The following NLRP1 variants were observed in gnomAD, a reference collection of about 807,000 sequenced individuals.
NLRP1 encodes the protein NLR family pyrin domain containing 1.
Under a neutral mutation model 136.7 loss-of-function variants are expected in NLRP1, and 94 were observed. The ratio of observed to expected loss-of-function variants is 0.69; its 90% CI spans 0.58 to 0.82. NLRP1 has a LOEUF of 0.82. Ranked by LOEUF, NLRP1 falls within the 40% of genes least tolerant of loss-of-function variation. NLRP1 has a pLI of 0.00. For missense variants in NLRP1, 1,575 were observed against 1,802.7 expected (o/e 0.87, Z 2.29); for synonymous variants, 690 against 725.1 (o/e 0.95, Z 0.78).
chr17:5,570,431 T>C (rs918502677), intron 3 of NLRP1, among the ~76,000 whole-genome samples: 2 of 149,890 alleles, frequency 1.3e-5, no homozygotes, highest in African/African-American at 4.9e-5. Context: ...AAAGAGGACA[T>C]TACCATTGAC....
intron 5 of NLRP1, among the ~76,000 whole-genome samples, chr17:5,547,794 G>A (rs2151786379): frequency 6.6e-6 from 1 of 152,126 alleles, no homozygotes. Context: ...CACGAGGCTG[G>A]GCTTGCCTCC....
intron 11 of NLRP1, among the ~76,000 whole-genome samples, chr17:5,531,177 T>TA (rs775502198): frequency 5.3e-5 from 3 of 56,920 alleles, no homozygotes; most frequent in Admixed American, 1.5e-4. Flanking sequence ...CTATCTAATC[T>TA]ATCTATCTAT....
rs751181903 is a variant in NLRP1 at position 5,553,558 on chromosome 17, T to G, written c.2358-2A>C. ...TCTGTGACTGGGACCCACCTGAACC[T>G]GAGGGGGAGAGAGAAGGACAGGAGA... On this transcript the variant is annotated splice_acceptor_variant, in intron 4 of 16. Transcript: ENST00000572272. LOFTEE classifies it high-confidence loss of function. 6.2e-7 allele frequency: 1 copy of G among 1,613,168 alleles called. No homozygotes were observed. The highest frequency in any genetic ancestry group is 8.5e-7 in the Non-Finnish European group (1 of 1,179,338).
At chr17:5,539,770 C>T (rs1911620945) in intron 6 of NLRP1, 185 bp from the exon 7 acceptor site, 8 of 675,558 alleles carry the variant, frequency 1.2e-5, no homozygotes, top group South Asian at 6.5e-5. Context: ...CTTGCAGCCA[C>T]GGAACCCCTC....
Position 5,515,013 on chromosome 17 carries a change from T to C in NLRP1, c.4163A>G (p.Gln1388Arg). Residue 1388 changes from glutamine (Q) to arginine (R), a missense_variant, in exon 17 of 17, where the codon CAG (glutamine) becomes CGG (arginine). By Grantham distance (43) the Gln-to-Arg change is conservative. Transcript: ENST00000572272. ...LLHFVDQYRE[Q>R]LIARVTSVEV... ...CACCGATGTCACTCGGGCTATCAGC[T>C]GCTCTCGATACTGGTCCACAAAGTG... The C allele has an allele frequency of 6.2e-7, 1 of 1,614,216 alleles. No individual in the cohort carries two copies. Among genetic ancestry groups the C allele is most frequent in the Non-Finnish European group, 8.5e-7 (1 of 1,180,040 alleles).
chr17:5,530,999 G>A (rs1910165984), intron 11 of NLRP1, among the ~76,000 whole-genome samples: 1 of 152,150 alleles, frequency 6.6e-6, no homozygotes, highest in Non-Finnish European at 1.5e-5. Context: ...CTTAGTACAC[G>A]CCTGGGAGCT....
intron 5 of NLRP1, among the ~76,000 whole-genome samples, chr17:5,551,511 A>G (rs1442502938): frequency 6.6e-6 from 1 of 152,232 alleles, no homozygotes; most frequent in Non-Finnish European, 1.5e-5. Flanking sequence ...TTTTGTGTGG[A>G]CAGAGGTATT....
chr17:5,515,341 G>A (rs1376688968), intron 16 of NLRP1, 132 bp downstream of exon 16: 15 of 831,224 alleles, frequency 1.8e-5, no homozygotes, highest in Non-Finnish European at 2.6e-5. Flanking sequence ...ACCATGCACC[G>A]CTCTCCAGGG....
At chr17:5,570,903 C>T (rs1293042057) in intron 3 of NLRP1, among the ~76,000 whole-genome samples, 6 of 152,196 alleles carry the variant, frequency 3.9e-5, no homozygotes, top group Admixed American at 6.5e-5. Context: ...CGTCAAAAAG[C>T]GAATTCACCA....
At chr17:5,546,069 G>A (rs556884386) in intron 5 of NLRP1, among the ~76,000 whole-genome samples, 6 of 152,304 alleles carry the variant, frequency 3.9e-5, no homozygotes, top group African/African-American at 1.4e-4. Flanking sequence ...ATCTGACCTT[G>A]GGCAGCAGTG....
At chr17:5,520,306 CTCT>C (rs1487487763) in intron 14 of NLRP1, among the ~76,000 whole-genome samples, 4 of 152,132 alleles carry the variant, frequency 2.6e-5, no homozygotes, top group Non-Finnish European at 5.9e-5. Context: ...CTATACTGAC[CTCT>C]TTTTTGTCAT....
At chr17:5,552,682 C>G (rs1426089926) in intron 5 of NLRP1, among the ~76,000 whole-genome samples, 1 of 152,138 alleles carries the variant, frequency 6.6e-6, no homozygotes, top group African/African-American at 2.4e-5. Context: ...ACTTTTATAG[C>G]TCTCTTACAT....
At chr17:5,527,003 G>A (rs577166960) in intron 12 of NLRP1, among the ~76,000 whole-genome samples, 1 of 152,310 alleles carries the variant, frequency 6.6e-6, no homozygotes, top group East Asian at 1.9e-4. Flanking sequence ...TGAGGTCATC[G>A]TTTCCAGGGC....
chr17:5,559,878 T>A lies in NLRP1; in HGVS notation c.818A>T (p.Asp273Val). 1 of 1,614,206 alleles carries A rather than the reference T, an allele frequency of 6.2e-7. No homozygotes were observed. The highest frequency in any genetic ancestry group is 2.2e-5 in the East Asian group (1 of 44,878). The change falls in exon 4 of 17, where the codon GAT becomes GTT. Residue 273 changes from aspartate (D) to valine (V), a missense_variant. Physicochemically the swap from Asp to Val is radical, Grantham distance 152. Transcript: ENST00000572272. ...LCSTWPWKNE[D>V]FNQKFTQLLL... ...CAGCTGTGTGAATTTTTGGTTAAAA[T>A]CCTCATTTTTCCAGGGCCATGTGGA...
intron 3 of NLRP1, among the ~76,000 whole-genome samples, chr17:5,572,841 T>C (rs924925141): frequency 4.6e-5 from 7 of 152,142 alleles, no homozygotes; most frequent in Non-Finnish European, 1.0e-4. Context: ...TTGGGGTGGT[T>C]CCAAGATGGC....
chr17:5,506,503 C>T (rs765215194), intron 15 of NLRP1, among the ~76,000 whole-genome samples: 9 of 151,972 alleles, frequency 5.9e-5, no homozygotes, highest in African/African-American at 9.7e-5. Flanking sequence ...TCACAATAGC[C>T]GAAAGGTGGA....
chr17:5,574,427 C>T (rs1471169953), intron 3 of NLRP1, among the ~76,000 whole-genome samples: 1 of 152,032 alleles, frequency 6.6e-6, no homozygotes, highest in Admixed American at 6.6e-5. Context: ...GCAAGGCAGG[C>T]CAACATTCAA....
intron 15 of NLRP1, chr17:5,502,844 G>C (rs1907156705): frequency 1.3e-5 from 2 of 152,576 alleles, no homozygotes; most frequent in South Asian, 2.1e-4. Context: ...AGGTTGCTTA[G>C]GGTGAAATGG....
intron 5 of NLRP1, among the ~76,000 whole-genome samples, chr17:5,550,469 A>C (rs1479419691): frequency 6.6e-6 from 1 of 152,090 alleles, no homozygotes; most frequent in Non-Finnish European, 1.5e-5. Flanking sequence ...TGGGTTATCT[A>C]ATTTGTTGGC....
Sources: allele counts gnomAD v4.1 joint callset (sites outside exome capture counted in the v4.1 genomes callset), GRCh38; gene constraint gnomAD v4.1.1; transcripts MANE v1.5; gene names NCBI Gene and HGNC (gene_info 2026-07-23, HGNC 2026-07-21).